The following MSL1 variants were observed in gnomAD, a reference collection of about 807,000 sequenced individuals.
MSL1 encodes MSL complex subunit 1.
MSL1 carries 21 observed loss-of-function variants against 64.6 expected under a neutral mutation model. The observed-to-expected ratio is 0.33, with a 90% CI of 0.23 to 0.47. The LOEUF (loss-of-function observed/expected upper bound fraction) is 0.47, where lower values mean the gene tolerates loss of function less well. MSL1 is among the 20% of genes least tolerant of loss of function. The pLI is 1.00. For synonymous variants in MSL1, 339 were observed against 329.6 expected, an observed-to-expected ratio of 1.03 and a Z score of -0.31; for missense variants, 664 against 793.2, an observed-to-expected ratio of 0.84 and a Z score of 1.96.
In MSL1 at chr17:40,132,453, T is replaced by G. The variant is rs549724599; in HGVS notation, c.1488+355T>G. Among the ~76,000 whole-genome samples the G allele has an allele frequency of 8.5e-5, 13 of 152,116 alleles. 1 individual carries two copies. In the South Asian group the frequency reaches 2.7e-3, roughly 32 times the overall value. Reference sequence around the variant, plus strand: ...AGGAGTCAGAGATCAGCCTGGCCAATGTGGTGAAACCCCATCTCCACTAAA... The same window carrying G: ...AGGAGTCAGAGATCAGCCTGGCCAAGGTGGTGAAACCCCATCTCCACTAAA... On this transcript the variant is annotated intron_variant, in intron 5 of 8. Transcript: ENST00000398532.
chr17:40,133,217 T>G, intron 6 of MSL1, 108 bp downstream of exon 6: 1 of 1,001,812 alleles, frequency 1.0e-6, no homozygotes, highest in Non-Finnish European at 1.5e-6. Flanking sequence ...CTTGGAGTGC[T>G]TAACACTCTT....
chr17:40,135,794 C>T lies in MSL1; in HGVS notation c.*1425C>T, dbSNP rs1385384372. 6.6e-6 allele frequency: 1 copy of T among 152,244 alleles called. No homozygotes were observed. The highest frequency in any genetic ancestry group is 1.5e-5 in the Non-Finnish European group (1 of 68,026). The allele number at this position is 152,244 out of a possible 1,614,324, so 9.4% of individuals were successfully genotyped here. A position where few individuals can be genotyped will look rare whatever the true frequency, so the allele number is the denominator to read the frequency against. On this transcript the variant is annotated 3_prime_UTR_variant, in exon 9 of 9. Coordinates refer to ENST00000398532, the MANE Select transcript of MSL1 (RefSeq NM_001365919.1). ...ACTTTTAAAGGAATTATTCTGGCAG[C>T]ACATGTAGTATTCTTGGATGATCTT...
intron 2 of MSL1, 49 bp from the exon 3 acceptor site, chr17:40,129,191 AGATTT>A: frequency 7.1e-7 from 1 of 1,401,620 alleles, no homozygotes; most frequent in East Asian, 2.3e-5. Flanking sequence ...TGTTCAAATT[AGATTT>A]TATTCAAGTG....
rs1279605391 is a variant in MSL1, at chr17:40,122,593, C to T, written c.-20C>T. On this transcript the variant is annotated 5_prime_UTR_variant, in exon 1 of 9. Transcript: ENST00000398532. The surrounding 1 kb of genome is among the most constrained non-coding windows in gnomAD (Gnocchi z 4.2). ...CCACCCCCTCCTCCGCCTCGGTGCC[C>T]GGCGCTGCTCCGGACCACTATGACC... 3 of 1,411,566 alleles carry T rather than the reference C, an allele frequency of 2.1e-6. No homozygotes were observed. The highest frequency in any genetic ancestry group is 3.1e-5 in the Admixed American group (1 of 32,520). The allele number at this position is 1,411,566 out of a possible 1,614,324, so 87.4% of individuals were successfully genotyped here.
At chr17:40,127,852 C>T (rs1225023046) in intron 2 of MSL1, among the ~76,000 whole-genome samples, 8 of 152,266 alleles carry the variant, frequency 5.3e-5, no homozygotes, top group South Asian at 2.1e-4. Context: ...TAGCCGGGTG[C>T]GGTGGCTCAC....
chr17:40,127,375 C>T (rs1988344120), intron 2 of MSL1, among the ~76,000 whole-genome samples: 1 of 151,112 alleles, frequency 6.6e-6, no homozygotes, highest in Non-Finnish European at 1.5e-5. Context: ...TGGAACTGTC[C>T]TTGGACTCAA....
At chr17:40,128,673 C>T (rs556003178) in intron 2 of MSL1, among the ~76,000 whole-genome samples, 6 of 151,370 alleles carry the variant, frequency 4.0e-5, no homozygotes, top group South Asian at 2.1e-4. Flanking sequence ...TGAGCCACTG[C>T]GCCTGGTGGA....
Position 40,132,025 on chromosome 17 carries a change from T to G in MSL1, c.1424-9T>G. 2 of 1,579,812 alleles carry G rather than the reference T, an allele frequency of 1.3e-6. No homozygotes were observed. The highest frequency in any genetic ancestry group is 8.6e-7 in the Non-Finnish European group (1 of 1,161,056). On this transcript the variant is annotated splice_polypyrimidine_tract_variant and intron_variant, in intron 4 of 8. Transcript: ENST00000398532. ...TCCTCCCTTTCTTTTTCTCTCTCTT[T>G]TTTTTCAGTTCCTTCTTGGAGGGAC...
chr17:40,129,347 A>G lies in MSL1; in HGVS notation c.1095A>G (p.Lys365=). Residue 365 remains lysine (K), a synonymous_variant, in exon 3 of 9, where the codon AAA becomes AAG. Coordinates refer to ENST00000398532, the MANE Select transcript of MSL1 (RefSeq NM_001365919.1). ...KTKTPKHSPI[K]EEPCGSLSET... ...AAACTCCTAAGCACTCTCCTATTAA[A>G]GAGGAACCCTGTGGTTCCTTATCTG... 2 of 1,612,052 alleles carry G rather than the reference A, an allele frequency of 1.2e-6. No homozygotes were observed. Among genetic ancestry groups the G allele is most frequent in the Non-Finnish European group, 1.7e-6 (2 of 1,179,386 alleles).
At position 40,133,668 on chromosome 17, in the gene MSL1, G is replaced by A. The variant is rs1329918769; in HGVS notation, c.1681+10G>A. 3 of 1,613,166 alleles carry A rather than the reference G, an allele frequency of 1.9e-6. No homozygotes were observed. The highest frequency in any genetic ancestry group is 2.5e-6 in the Non-Finnish European group (3 of 1,179,610). ...CCTGAGCCAGATGATGGTAAGTTGTGTCCATCTAAAAGAGTAGGTTTTTGA... is the reference window on the plus strand; with the variant it reads ...CCTGAGCCAGATGATGGTAAGTTGTATCCATCTAAAAGAGTAGGTTTTTGA... On this transcript the variant is annotated intron_variant, in intron 7 of 8. Coordinates refer to ENST00000398532, the MANE Select transcript of MSL1 (RefSeq NM_001365919.1).
chr17:40,123,096 C>T lies in MSL1; in HGVS notation c.484C>T (p.Pro162Ser). The T allele has an allele frequency of 6.5e-7, 1 of 1,529,450 alleles. No homozygotes were observed. Among genetic ancestry groups the T allele is most frequent in the Non-Finnish European group, 8.7e-7 (1 of 1,144,334 alleles). The allele number at this position is 1,529,450 out of a possible 1,614,324, so 94.7% of individuals were successfully genotyped here. A position where few individuals can be genotyped will look rare whatever the true frequency, so the allele number is the denominator to read the frequency against. The change falls in exon 1 of 9, where the codon CCC becomes TCC. Residue 162 changes from proline to serine, a missense_variant. By Grantham distance (74) the Pro-to-Ser change is moderately conservative (BLOSUM62 -1). This residue lies in a region of MSL1 where 466 missense variants were observed against 499.0 expected (regional missense o/e 0.93). Coordinates refer to ENST00000398532, the MANE Select transcript of MSL1 (RefSeq NM_001365919.1). ...WAGDKGGAAS[P>S]AATASDPAGP... ...TGGGGACAAGGGTGGGGCGGCCTCC[C>T]CCGCTGCCACCGCCTCGGACCCGGC...
At chr17:40,126,146 A>G (rs1362933104) in intron 1 of MSL1, 37 bp from the exon 2 acceptor site, 1 of 1,584,820 alleles carries the variant, frequency 6.3e-7, no homozygotes, top group Middle Eastern at 1.7e-4. Context: ...TTAATTTTTT[A>G]TGTGTTAAGT....
chr17:40,131,803 G>T lies in MSL1; in HGVS notation c.1423+219G>T. ...ATATGAATTGTCAGGTATTGGTTTA[G>T]GGTTTTTGTGATCCTGAGTTTGGCA... On this transcript the variant is annotated intron_variant, in intron 4 of 8. Coordinates refer to ENST00000398532, the MANE Select transcript of MSL1 (RefSeq NM_001365919.1). This position sits in a 1 kb window ranked among gnomAD's most constrained non-coding sequence, Gnocchi z 4.5. 1.6e-6 allele frequency: 1 copy of T among 621,086 alleles called. No homozygotes were observed. The highest frequency in any genetic ancestry group is 2.7e-5 in the East Asian group (1 of 36,698). The allele number at this position is 621,086 out of a possible 1,614,324, so 38.5% of individuals were successfully genotyped here. A position where few individuals can be genotyped will look rare whatever the true frequency, so the allele number is the denominator to read the frequency against.
At chr17:40,127,809 C>CT (rs199578246) in intron 2 of MSL1, among the ~76,000 whole-genome samples, 2,392 of 152,248 alleles carry the variant, frequency 0.016, 31 homozygotes, top group Non-Finnish European at 0.024. Flanking sequence ...AATTGTGAAA[C>CT]TTTAAGTAGA....
In MSL1 at chr17:40,122,575, C is replaced by T. The variant is rs1988205135; in HGVS notation, c.-38C>T. The T allele has an allele frequency of 1.4e-6, 2 of 1,384,334 alleles. No individual in the cohort carries two copies. Among genetic ancestry groups the T allele is most frequent in the Non-Finnish European group, 1.9e-6 (2 of 1,071,648 alleles). 85.8% of individuals were successfully genotyped at this position (1,384,334 alleles called of 1,614,324 possible). On this transcript the variant is annotated 5_prime_UTR_variant, in exon 1 of 9. Transcript: ENST00000398532. The surrounding 1 kb of genome is among the most constrained non-coding windows in gnomAD (Gnocchi z 4.2). Reference sequence around the variant, plus strand: ...CCGCACCTCGCCCCTTCCCCACCCCCTCCTCCGCCTCGGTGCCCGGCGCTG... The same window carrying T: ...CCGCACCTCGCCCCTTCCCCACCCCTTCCTCCGCCTCGGTGCCCGGCGCTG...
intron 1 of MSL1, among the ~76,000 whole-genome samples, chr17:40,125,875 A>C (rs191157659): frequency 7.3e-4 from 112 of 152,392 alleles, no homozygotes; most frequent in Non-Finnish European, 1.4e-3. Context: ...GCAGTAGCAG[A>C]GACCATGCCA....
At chr17:40,127,353 AAAAG>A (rs1598411140) in intron 2 of MSL1, among the ~76,000 whole-genome samples, 1 of 152,082 alleles carries the variant, frequency 6.6e-6, no homozygotes, top group East Asian at 1.9e-4. Context: ...AAAAAAAAAA[AAAAG>A]GTAAAAATGG....
Position 40,122,133 on chromosome 17 carries a change from G to T in MSL1, c.-480G>T, listed in dbSNP as rs1988183636. On this transcript the variant is annotated 5_prime_UTR_variant, in exon 1 of 9. Transcript: ENST00000398532. The surrounding 1 kb of genome is among the most constrained non-coding windows in gnomAD (Gnocchi z 4.2). ...CAGACCCCCTCTCCCGGAGTAGGAG[G>T]GCTTTGGGCGGACCCAGCCCTCCAC... Among the ~76,000 whole-genome samples, 2 of 151,452 alleles carry T rather than the reference G, an allele frequency of 1.3e-5. No individual in the cohort carries two copies.
chr17:40,132,969 G>A, intron 5 of MSL1, 73 bp from the exon 6 acceptor site: 1 of 1,407,930 alleles, frequency 7.1e-7, no homozygotes, highest in Non-Finnish European at 9.8e-7. Flanking sequence ...CCTGGAAGCT[G>A]GAAATTAGTT....
Sources: allele counts gnomAD v4.1 joint callset (sites outside exome capture counted in the v4.1 genomes callset), GRCh38; gene constraint gnomAD v4.1.1; regional missense constraint gnomAD v4.1.1; non-coding constraint Gnocchi (gnomAD v3.1); transcripts MANE v1.5; gene names NCBI Gene and HGNC (gene_info 2026-07-23, HGNC 2026-07-21).